BBS9: variants seen among roughly 807,000 people sequenced by gnomAD.
BBS9 encodes the protein Bardet-Biedl syndrome 9.
In BBS9, 89 loss-of-function variants were observed where a neutral mutation model predicts 117.7. The ratio of observed to expected loss-of-function variants is 0.76; its 90% CI spans 0.64 to 0.90. The LOEUF (loss-of-function observed/expected upper bound fraction) is 0.90, where lower values mean the gene tolerates loss of function less well. Among genes scored for constraint, BBS9 ranks in the 40% least tolerant of loss-of-function variants. The pLI is 0.00. For missense variants in BBS9, 982 were observed against 1,042.2 expected (o/e 0.94, Z 0.80); for synonymous variants, 379 against 370.9 (o/e 1.02, Z -0.25).
Position 33,348,765 on chromosome 7 carries a change from G to A in BBS9, c.1330-303G>A, listed in dbSNP as rs112925311. On this transcript the variant is annotated intron_variant, in intron 12 of 22. Coordinates refer to ENST00000242067, the MANE Select transcript of BBS9 (RefSeq NM_198428.3). ...CGATTATAGCCATTTTATTGGGTAC[G>A]TAGTAGTATCTCATTGTGGTTTTTA... 7.2e-5 allele frequency among the ~76,000 whole-genome samples: 11 copies of A among 152,274 alleles called. 1 individual carries two copies. The highest frequency in any genetic ancestry group is 3.9e-4 in the East Asian group (2 of 5,184).
At chr7:33,227,635 A>C (rs1386516057) in intron 5 of BBS9, among the ~76,000 whole-genome samples, 1 of 151,654 alleles carries the variant, frequency 6.6e-6, no homozygotes, top group Admixed American at 6.6e-5. Context: ...CCTACCCCCA[A>C]AGTCCTCTAT....
At chr7:33,246,374 CT>C (rs1359092819) in intron 5 of BBS9, among the ~76,000 whole-genome samples, 1 of 147,236 alleles carries the variant, frequency 6.8e-6, no homozygotes, top group East Asian at 2.0e-4. Flanking sequence ...CTTGTTTCTT[CT>C]TTTGAGATGC....
intron 19 of BBS9, among the ~76,000 whole-genome samples, chr7:33,459,343 G>T (rs1164089611): frequency 2.6e-5 from 4 of 151,940 alleles, no homozygotes; most frequent in African/African-American, 9.7e-5. Flanking sequence ...GGGCATTTTT[G>T]ATTGTAACAG....
Position 33,634,832 on chromosome 7 carries a change from C to A in BBS9, c.2522-345C>A, listed in dbSNP as rs528207513. On this transcript the variant is annotated intron_variant, in intron 21 of 21. Transcript: ENST00000671952. ...CAGGCTGAAGGAGGATGAGTAGGCC[C>A]CACAGTGGGCTAAATGACGACATCA... 3.9e-5 allele frequency among the ~76,000 whole-genome samples: 6 copies of A among 152,256 alleles called. No homozygotes were observed. In the East Asian group the frequency reaches 1.2e-3, roughly 29 times the overall value.
Position 33,217,603 on chromosome 7 carries a change from A to G in BBS9, c.443-39633A>G, listed in dbSNP as rs1442164802. 2.0e-5 allele frequency among the ~76,000 whole-genome samples: 3 copies of G among 152,386 alleles called. No individual in the cohort carries two copies. In the East Asian group the frequency reaches 5.8e-4, roughly 29 times the overall value. ...AATATTTTGATACAGAATAATGTTT[A>G]TAATTCTCAGCATGCACATATATTC... On this transcript the variant is annotated intron_variant, in intron 5 of 22. Coordinates refer to ENST00000242067, the MANE Select transcript of BBS9 (RefSeq NM_198428.3).
chr7:33,432,376 T>C (rs1459366127), intron 19 of BBS9, among the ~76,000 whole-genome samples: 1 of 151,992 alleles, frequency 6.6e-6, no homozygotes, highest in Non-Finnish European at 1.5e-5. Flanking sequence ...CCCAAAGTGC[T>C]GGGATTACAG....
intron 17 of BBS9, among the ~76,000 whole-genome samples, chr7:33,374,472 A>C (rs1310267116): frequency 6.6e-6 from 1 of 152,178 alleles, no homozygotes; most frequent in Admixed American, 6.5e-5. Context: ...ATTTATTTTA[A>C]AATTTCTTAG....
At chr7:33,441,931 A>T (rs1836265120) in intron 19 of BBS9, among the ~76,000 whole-genome samples, 1 of 143,640 alleles carries the variant, frequency 7.0e-6, no homozygotes, top group Non-Finnish European at 1.5e-5. Context: ...TTACTTTGTC[A>T]CCCAGGCCAG....
At chr7:33,534,670 G>A (rs1410564046) in intron 21 of BBS9, among the ~76,000 whole-genome samples, 2 of 152,156 alleles carry the variant, frequency 1.3e-5, no homozygotes, top group Non-Finnish European at 2.9e-5. Flanking sequence ...TCAGAGCCCA[G>A]GCACCCATGG....
At chr7:33,142,391 G>T (rs1382595699) in intron 1 of BBS9, among the ~76,000 whole-genome samples, 5 of 152,122 alleles carry the variant, frequency 3.3e-5, no homozygotes, top group African/African-American at 1.2e-4. Flanking sequence ...GTACTAAGTG[G>T]TCTACTGTAT....
At chr7:33,156,663 A>G (rs1794134043) in intron 4 of BBS9, among the ~76,000 whole-genome samples, 1 of 152,208 alleles carries the variant, frequency 6.6e-6, no homozygotes. Flanking sequence ...TCCAGTAAAT[A>G]CTTGTTGAAT....
At chr7:33,330,298 A>T (rs780135359) in intron 9 of BBS9, among the ~76,000 whole-genome samples, 1 of 152,162 alleles carries the variant, frequency 6.6e-6, no homozygotes, top group Non-Finnish European at 1.5e-5. Context: ...TACAGGCATA[A>T]GCCACCGCGC....
chr7:33,419,765 T>G (rs1338791377), intron 19 of BBS9, among the ~76,000 whole-genome samples: 1 of 152,308 alleles, frequency 6.6e-6, no homozygotes, highest in Middle Eastern at 3.4e-3. Flanking sequence ...AATCATCAGG[T>G]TCAGAGAGAT....
chr7:33,531,611 A>G (rs1206358771), intron 20 of BBS9, among the ~76,000 whole-genome samples: 3 of 152,230 alleles, frequency 2.0e-5, no homozygotes, highest in Non-Finnish European at 4.4e-5. Flanking sequence ...TAGAGGAACT[A>G]GGATGTTTAT....
At chr7:33,324,571 A>G (rs1812444523) in intron 9 of BBS9, among the ~76,000 whole-genome samples, 1 of 149,694 alleles carries the variant, frequency 6.7e-6, no homozygotes, top group African/African-American at 2.4e-5. Flanking sequence ...TTGTACCTTC[A>G]GATGATTTCT....
At chr7:33,367,952 G>A (rs1167531350) in intron 17 of BBS9, 90 bp downstream of exon 17, 5 of 1,020,962 alleles carry the variant, frequency 4.9e-6, no homozygotes, top group African/African-American at 1.6e-5. Flanking sequence ...TTCCTGCAAA[G>A]GGTGATGTTC....
chr7:33,484,054 G>A (rs1001070883), intron 19 of BBS9, among the ~76,000 whole-genome samples: 14 of 152,188 alleles, frequency 9.2e-5, no homozygotes, highest in African/African-American at 3.1e-4. Flanking sequence ...TTAAGGCAAT[G>A]TGGAGAAAAA....
chr7:33,343,850 A>G (rs576671596), intron 11 of BBS9, among the ~76,000 whole-genome samples: 3 of 132,244 alleles, frequency 2.3e-5, no homozygotes, highest in African/African-American at 8.5e-5. Context: ...CATTAGCTGC[A>G]TGTCTTAGAT....
chr7:33,228,245 T>G (rs997827174), intron 5 of BBS9, among the ~76,000 whole-genome samples: 5 of 152,182 alleles, frequency 3.3e-5, no homozygotes, highest in African/African-American at 7.2e-5. Flanking sequence ...GTTGAGCATT[T>G]TTTCATGTTT....
Sources: gnomAD v4.1 joint callset for allele counts (sites outside exome capture counted in the v4.1 genomes callset) on GRCh38, gnomAD v4.1.1 for gene constraint, MANE v1.5 for transcripts, NCBI Gene and HGNC (gene_info 2026-07-23, HGNC 2026-07-21) for gene names.